The following TNR variants were observed in gnomAD, a reference collection of about 807,000 sequenced individuals.
TNR encodes tenascin-R.
TNR carries 45 observed loss-of-function variants against 150.4 expected under a neutral mutation model. The observed-to-expected ratio is 0.30, with a 90% CI of 0.24 to 0.38. The LOEUF (loss-of-function observed/expected upper bound fraction) is 0.38, where lower values mean the gene tolerates loss of function less well. TNR is among the 10% of genes least tolerant of loss of function. The pLI is 1.00. For missense variants in TNR, 1,544 were observed against 1,759.1 expected (o/e 0.88, Z 2.19); for synonymous variants, 687 against 678.4 (o/e 1.01, Z -0.20).
At chr1:175,584,589 A>G (rs761358348) in intron 1 of TNR, among the ~76,000 whole-genome samples, 8 of 152,236 alleles carry the variant, frequency 5.3e-5, no homozygotes, top group Non-Finnish European at 1.2e-4. Flanking sequence ...AGCATCAACT[A>G]CATAACAGAT....
At chr1:175,644,396 A>G (rs1415298436) in intron 1 of TNR, among the ~76,000 whole-genome samples, 5 of 152,216 alleles carry the variant, frequency 3.3e-5, no homozygotes, top group Admixed American at 6.5e-5. Flanking sequence ...TAACCAGATT[A>G]TGGCTGTGGG....
At chr1:175,395,398 A>G (rs1215450660) in intron 5 of TNR, among the ~76,000 whole-genome samples, 1 of 152,038 alleles carries the variant, frequency 6.6e-6, no homozygotes, top group Non-Finnish European at 1.5e-5. Flanking sequence ...GGTAAGTCCT[A>G]TTTACTGGCC....
At chr1:175,360,849 C>T (rs907230595) in intron 14 of TNR, among the ~76,000 whole-genome samples, 1 of 152,162 alleles carries the variant, frequency 6.6e-6, no homozygotes, top group Non-Finnish European at 1.5e-5. Context: ...CCTGAAGGAG[C>T]ACTCACTTCC....
chr1:175,578,667 A>G (rs1032389511), intron 1 of TNR, among the ~76,000 whole-genome samples: 3 of 152,196 alleles, frequency 2.0e-5, no homozygotes, highest in Admixed American at 6.5e-5. Context: ...GGCTTCAGTG[A>G]TGTGGCTTAA....
intron 2 of TNR, among the ~76,000 whole-genome samples, chr1:175,414,309 GA>G (rs1240023458): frequency 2.0e-5 from 3 of 151,714 alleles, no homozygotes; most frequent in Non-Finnish European, 2.9e-5. Context: ...AGGTGGAGGA[GA>G]AAAAAAATGG....
At chr1:175,618,479 T>A (rs1474136658) in intron 1 of TNR, among the ~76,000 whole-genome samples, 8 of 152,218 alleles carry the variant, frequency 5.3e-5, no homozygotes, top group Non-Finnish European at 1.2e-4. Flanking sequence ...TGAATGCATA[T>A]TGGCAGCCAC....
At chr1:175,556,010 T>C (rs955300695) in intron 1 of TNR, among the ~76,000 whole-genome samples, 11 of 152,240 alleles carry the variant, frequency 7.2e-5, no homozygotes, top group Non-Finnish European at 1.5e-4. Context: ...TGGATACTTA[T>C]ATAGAATAAT....
chr1:175,366,415 A>C, intron 10 of TNR, among the ~76,000 whole-genome samples: 1 of 152,118 alleles, frequency 6.6e-6, no homozygotes. Context: ...CTGATTTTCA[A>C]GCTCGCCATA....
In TNR at chr1:175,742,963, T is replaced by TACACACACAC. The variant is rs66777686; in HGVS notation, c.-165+253_-165+262dup. 9.2e-3 allele frequency among the ~76,000 whole-genome samples: 1,359 copies of TACACACACAC among 147,886 alleles called. 20 individuals are homozygous for TACACACACAC. Among genetic ancestry groups the TACACACACAC allele is most frequent in the African/African-American group, 0.031 (1,215 of 39,828 alleles). On this transcript the variant is annotated intron_variant, in intron 1 of 22. Transcript: ENST00000367674. ...AGACCTCACCTGTCTTATGCAACAG[T>TACACACACAC]ACACACACACACACACACACACACA...
intron 8 of TNR, among the ~76,000 whole-genome samples, chr1:175,380,719 C>G (rs185902910): frequency 1.1e-4 from 17 of 152,324 alleles, no homozygotes; most frequent in African/African-American, 4.1e-4. Context: ...TCTCCCAGGA[C>G]TGGCTATCTC....
rs1663130936 is a variant in TNR at position 175,599,249 on chromosome 1, C to T, written c.-164-70880G>A. Among the ~76,000 whole-genome samples the T allele has an allele frequency of 6.6e-6, 1 of 152,202 alleles. No homozygotes were observed. Among genetic ancestry groups the T allele is most frequent in the Admixed American group, 6.5e-5 (1 of 15,290 alleles). On this transcript the variant is annotated intron_variant, in intron 1 of 22. Coordinates refer to ENST00000367674, the MANE Select transcript of TNR (RefSeq NM_003285.3). This position sits in a 1 kb window ranked among gnomAD's most constrained non-coding sequence, Gnocchi z 4.7. ...CTTGGCCTTGGCCACCTCGGGTCAC[C>T]GCTCCTCCCTTTCAGGCGCCCGGGT... is the stretch of plus-strand genomic sequence containing the variant.
At chr1:175,626,166 G>C (rs1326358780) in intron 1 of TNR, among the ~76,000 whole-genome samples, 3 of 152,150 alleles carry the variant, frequency 2.0e-5, no homozygotes, top group African/African-American at 7.2e-5. Context: ...ATGTGGAACT[G>C]TAAGTCCAAT....
At chr1:175,718,804 TG>T (rs573356740) in intron 1 of TNR, among the ~76,000 whole-genome samples, 5 of 152,192 alleles carry the variant, frequency 3.3e-5, no homozygotes, top group Non-Finnish European at 7.3e-5. Context: ...AGGTCATTTA[TG>T]GCCAAGGCAA....
intron 5 of TNR, among the ~76,000 whole-genome samples, chr1:175,395,891 A>T (rs1030072281): frequency 2.6e-5 from 4 of 152,038 alleles, no homozygotes; most frequent in Non-Finnish European, 4.4e-5. Context: ...CTTTATGTAT[A>T]AAAAAAACTG....
At chr1:175,582,454 G>T (rs80297495) in intron 1 of TNR, among the ~76,000 whole-genome samples, 1 of 152,206 alleles carries the variant, frequency 6.6e-6, no homozygotes, top group African/African-American at 2.4e-5. Flanking sequence ...CCATCACACA[G>T]AGAAGAGGTA....
intron 1 of TNR, among the ~76,000 whole-genome samples, chr1:175,574,028 G>A (rs1457216393): frequency 6.6e-6 from 1 of 152,230 alleles, no homozygotes; most frequent in Non-Finnish European, 1.5e-5. Flanking sequence ...TCAGATCCCA[G>A]TTGTTTTTTA....
At chr1:175,663,978 C>T (rs1196371683) in intron 1 of TNR, among the ~76,000 whole-genome samples, 1 of 152,110 alleles carries the variant, frequency 6.6e-6, no homozygotes, top group Non-Finnish European at 1.5e-5. Flanking sequence ...TTAGAACTGT[C>T]CAAGTGTGGG....
chr1:175,337,425 A>T (rs998393938), intron 19 of TNR, 103 bp downstream of exon 19: 2 of 1,408,920 alleles, frequency 1.4e-6, no homozygotes, highest in Non-Finnish European at 2.0e-6. Context: ...GGGTGATAAA[A>T]GGATGGCCAG....
rs149242277 is a variant in TNR at position 175,499,655 on chromosome 1, G to A, written c.-64+28614C>T. On this transcript the variant is annotated intron_variant, in intron 2 of 22. Transcript: ENST00000367674. ...TTTCTGGGGAACAATGGCTAATCAA[G>A]CAAATTACTCCTTGTAATTAGTTCA... Among the ~76,000 whole-genome samples the A allele has an allele frequency of 3.5e-3, 530 of 152,310 alleles. 2 individuals are homozygous for A. The highest frequency in any genetic ancestry group is 0.012 in the African/African-American group (511 of 41,548).
Sources: gnomAD v4.1 joint callset for allele counts (sites outside exome capture counted in the v4.1 genomes callset) on GRCh38, gnomAD v4.1.1 for gene constraint, Gnocchi (gnomAD v3.1) non-coding constraint, MANE v1.5 for transcripts, NCBI Gene and HGNC (gene_info 2026-07-23, HGNC 2026-07-21) for gene names.